GNPDA2: variants seen among roughly 807,000 people sequenced by gnomAD.
The protein encoded by GNPDA2 is glucosamine-6-phosphate deaminase 2, also known as glcN6P deaminase 2.
A neutral mutation model predicts 27.0 loss-of-function variants in GNPDA2; 24 were observed. The observed-to-expected ratio is 0.89, with a 90% CI of 0.64 to 1.25. The LOEUF is 1.25. GNPDA2 is among the 50% of genes most tolerant of loss of function. The pLI, the probability that GNPDA2 is intolerant of heterozygous loss-of-function variation, is 0.00. For missense variants in GNPDA2, 286 were observed against 335.1 expected (o/e 0.85, Z 1.14); for synonymous variants, 94 against 108.4 (o/e 0.87, Z 0.83).
chr4:44,721,441 A>ACACTCTGTGAAAAT (rs1717662777), intron 2 of GNPDA2, among the ~76,000 whole-genome samples: 2 of 152,232 alleles, frequency 1.3e-5, no homozygotes, highest in African/African-American at 4.8e-5. Context: ...TCCAGGTCTA[A>ACACTCTGTGAAAAT]CACTCTGTGA....
intron 6 of GNPDA2, chr4:44,704,416 G>T (rs570686614): frequency 2.1e-6 from 2 of 931,988 alleles, no homozygotes; most frequent in African/African-American, 1.8e-5. Context: ...ATTACGGAAA[G>T]AATACACAGA....
chr4:44,721,128 A>G (rs1209472491), intron 2 of GNPDA2, among the ~76,000 whole-genome samples: 2 of 152,194 alleles, frequency 1.3e-5, no homozygotes, highest in African/African-American at 4.8e-5. Flanking sequence ...AAGCAAAACA[A>G]AACAATCAAC....
intron 3 of GNPDA2, 106 bp from the exon 4 acceptor site, chr4:44,717,401 C>T: frequency 3.5e-6 from 2 of 579,692 alleles, no homozygotes; most frequent in South Asian, 3.0e-5. Flanking sequence ...TTCTCTATAC[C>T]ATATTCAATT....
intron 4 of GNPDA2, among the ~76,000 whole-genome samples, chr4:44,716,799 A>ACATATTACT (rs1295577498): frequency 6.6e-6 from 1 of 151,876 alleles, no homozygotes; most frequent in East Asian, 1.9e-4. Flanking sequence ...AGGTAAAGAA[A>ACATATTACT]CATATTACTC....
intron 6 of GNPDA2, chr4:44,705,853 G>A (rs1443106413): frequency 6.6e-6 from 1 of 151,858 alleles, no homozygotes; most frequent in Admixed American, 6.6e-5. Flanking sequence ...ATGGGACTAT[G>A]AATACCCATT....
intron 1 of GNPDA2, among the ~76,000 whole-genome samples, chr4:44,723,618 C>T (rs1008124275): frequency 1.3e-5 from 2 of 152,024 alleles, no homozygotes; most frequent in African/African-American, 4.8e-5. Flanking sequence ...TTTTCTTTAT[C>T]CAATCATTCA....
At chr4:44,712,287 A>G (rs1338876766) in intron 4 of GNPDA2, among the ~76,000 whole-genome samples, 1 of 152,120 alleles carries the variant, frequency 6.6e-6, no homozygotes. Flanking sequence ...ATTTACTTTA[A>G]TGATATCTGT....
chr4:44,716,416 T>A (rs907457637), intron 4 of GNPDA2, among the ~76,000 whole-genome samples: 10 of 151,930 alleles, frequency 6.6e-5, no homozygotes, highest in Non-Finnish European at 1.2e-4. Context: ...GTTGAACTAT[T>A]CTTATAGCAA....
intron 3 of GNPDA2, among the ~76,000 whole-genome samples, chr4:44,718,003 A>C (rs1398070361): frequency 1.3e-5 from 2 of 152,006 alleles, no homozygotes; most frequent in South Asian, 4.1e-4. Flanking sequence ...AAAAAAGAGA[A>C]TAAGAAATGT....
chr4:44,725,580 C>T (rs75531386), intron 1 of GNPDA2, among the ~76,000 whole-genome samples: 2,150 of 152,218 alleles, frequency 0.014, 45 homozygotes, highest in African/African-American at 0.049. Context: ...AAGGTACAGG[C>T]AACTTTTTGT....
intron 6 of GNPDA2, chr4:44,705,420 A>C (rs1272996315): frequency 1.0e-6 from 1 of 984,962 alleles, no homozygotes; most frequent in African/African-American, 1.7e-5. Flanking sequence ...ACCTCTTCAG[A>C]AATACAGACA....
At chr4:44,717,847 C>T (rs1717406821) in intron 3 of GNPDA2, among the ~76,000 whole-genome samples, 1 of 151,862 alleles carries the variant, frequency 6.6e-6, no homozygotes, top group Admixed American at 6.6e-5. Flanking sequence ...CTATGCATCA[C>T]AGATTTCAGG....
Position 44,702,201 on chromosome 4 carries a change from CT to C in GNPDA2, c.*879del. The C allele has an allele frequency of 1.2e-6, 1 of 803,038 alleles. No homozygotes were observed. Among genetic ancestry groups the C allele is most frequent in the Non-Finnish European group, 1.5e-6 (1 of 662,784 alleles). The allele number at this position is 803,038 out of a possible 1,614,324, so 49.7% of individuals were successfully genotyped here. ...TGAGTTAAAGATAAAAAACAATATA[CT>C]TTTATGTAAATTGCTATGGCAATGT... On this transcript the variant is annotated 3_prime_UTR_variant, in exon 7 of 7. Transcript: ENST00000295448.
intron 6 of GNPDA2, chr4:44,704,887 T>C (rs1716492990): frequency 1.0e-6 from 1 of 983,458 alleles, no homozygotes; most frequent in Admixed American, 6.2e-5. Context: ...TGATGTCATA[T>C]ACTAAAAATC....
At chr4:44,717,069 T>C in intron 4 of GNPDA2, 44 bp downstream of exon 4, 2 of 1,373,842 alleles carry the variant, frequency 1.5e-6, no homozygotes, top group Non-Finnish European at 2.0e-6. Context: ...AAATCCCTAA[T>C]TCAAACACTA....
At chr4:44,726,018 G>C (rs1392560994) in intron 1 of GNPDA2, among the ~76,000 whole-genome samples, 3 of 152,120 alleles carry the variant, frequency 2.0e-5, no homozygotes, top group Admixed American at 2.0e-4. Flanking sequence ...TCCTGAAAGC[G>C]TAAGGGTGGC....
intron 6 of GNPDA2, chr4:44,703,544 C>G: frequency 1.0e-6 from 1 of 995,254 alleles, no homozygotes; most frequent in Middle Eastern, 5.1e-4. Flanking sequence ...CTCAGAACTG[C>G]TGTCTCACTC....
intron 6 of GNPDA2, chr4:44,704,657 T>C: frequency 1.1e-6 from 1 of 900,610 alleles, no homozygotes; most frequent in Non-Finnish European, 1.3e-6. Flanking sequence ...TTTATATAAA[T>C]AAATAATTGC....
rs965939275 is a variant in GNPDA2 at position 44,711,202 on chromosome 4, G to A, written c.410-65C>T. On this transcript the variant is annotated intron_variant, in intron 4 of 6. Coordinates refer to ENST00000295448, the MANE Select transcript of GNPDA2 (RefSeq NM_138335.3). Reference sequence around the variant, plus strand: ...ATAGGTTTCACAAAGTTCAATGTGCGTTAAAGAACAAAAAAAAAATCACCT... The same window carrying A: ...ATAGGTTTCACAAAGTTCAATGTGCATTAAAGAACAAAAAAAAAATCACCT... 123 of 991,466 alleles carry A rather than the reference G, an allele frequency of 1.2e-4. 1 individual carries two copies. The South Asian group carries it at 1.6e-3, about 13-fold the overall frequency. The allele number at this position is 991,466 out of a possible 1,614,324, so 61.4% of individuals were successfully genotyped here. A position where few individuals can be genotyped will look rare whatever the true frequency, so the allele number is the denominator to read the frequency against.
Sources: gnomAD v4.1 joint callset for allele counts (sites outside exome capture counted in the v4.1 genomes callset) on GRCh38, gnomAD v4.1.1 for gene constraint, MANE v1.5 for transcripts, NCBI Gene and HGNC (gene_info 2026-07-23, HGNC 2026-07-21) for gene names.